SDHAF3: variants seen among roughly 807,000 people sequenced by gnomAD.
SDHAF3 encodes the protein succinate dehydrogenase complex assembly factor 3.
SDHAF3 carries 18 observed loss-of-function variants against 11.5 expected under a neutral mutation model. That is an observed-to-expected ratio of 1.56 (90% CI 1.08 to 2.32). SDHAF3 has a LOEUF of 2.32. SDHAF3 is among the 30% of genes most tolerant of loss of function. SDHAF3 has a pLI of 0.00. For missense variants in SDHAF3, 200 were observed against 154.4 expected (o/e 1.30, Z -1.57); for synonymous variants, 72 against 59.3 (o/e 1.21, Z -0.99).
intron 1 of SDHAF3, among the ~76,000 whole-genome samples, chr7:97,166,435 T>TAA (rs1554354485): frequency 1.3e-5 from 2 of 151,494 alleles, no homozygotes; most frequent in African/African-American, 4.9e-5. Flanking sequence ...TGAAAGAGTT[T>TAA]AAAGACCTGA....
chr7:97,165,633 C>T (rs916667128), intron 1 of SDHAF3, among the ~76,000 whole-genome samples: 3 of 152,170 alleles, frequency 2.0e-5, no homozygotes, highest in South Asian at 2.1e-4. Flanking sequence ...GGATAAACCT[C>T]GGTCTGAATT....
chr7:97,142,655 T>G (rs1419629632), intron 1 of SDHAF3: 2 of 152,116 alleles, frequency 1.3e-5, no homozygotes, highest in African/African-American at 4.8e-5. Flanking sequence ...CTCCTGTTTC[T>G]TTTCCGATTT....
At chr7:97,161,428 G>C (rs1037204629) in intron 1 of SDHAF3, among the ~76,000 whole-genome samples, 1 of 152,068 alleles carries the variant, frequency 6.6e-6, no homozygotes, top group Non-Finnish European at 1.5e-5. Flanking sequence ...TTCTCTGCTG[G>C]TTTCTTATTA....
chr7:97,143,279 T>TAATA (rs1389145153), intron 1 of SDHAF3, among the ~76,000 whole-genome samples: 1 of 152,184 alleles, frequency 6.6e-6, no homozygotes, highest in Non-Finnish European at 1.5e-5. Flanking sequence ...TAGGGTAAGC[T>TAATA]AATACCCTAG....
intron 1 of SDHAF3, among the ~76,000 whole-genome samples, chr7:97,166,496 G>C (rs1410879002): frequency 6.6e-6 from 1 of 152,186 alleles, no homozygotes; most frequent in Non-Finnish European, 1.5e-5. Flanking sequence ...TGGAGAGGAA[G>C]GTTCTTGTTA....
At chr7:97,174,410 A>C (rs1247377626) in intron 1 of SDHAF3, among the ~76,000 whole-genome samples, 4 of 152,232 alleles carry the variant, frequency 2.6e-5, no homozygotes, top group Non-Finnish European at 5.9e-5. Flanking sequence ...GAAACTAAGA[A>C]GCTAACATTG....
chr7:97,153,897 C>T (rs958665508), intron 1 of SDHAF3, among the ~76,000 whole-genome samples: 1 of 152,154 alleles, frequency 6.6e-6, no homozygotes. Flanking sequence ...ATAGTGATAT[C>T]TCGTGTTTTA....
At chr7:97,127,168 C>T (rs1278786204) in intron 1 of SDHAF3, among the ~76,000 whole-genome samples, 2 of 152,130 alleles carry the variant, frequency 1.3e-5, no homozygotes, top group African/African-American at 4.8e-5. Flanking sequence ...AACAGGGTAC[C>T]TTAGTTGGAA....
chr7:97,158,927 C>T (rs1426327763), intron 1 of SDHAF3, among the ~76,000 whole-genome samples: 5 of 152,130 alleles, frequency 3.3e-5, no homozygotes, highest in Admixed American at 1.3e-4. Context: ...AAAATGTATA[C>T]ACGTGTAAAC....
At chr7:97,142,094 C>G (rs564171780) in intron 1 of SDHAF3, among the ~76,000 whole-genome samples, 36 of 116,292 alleles carry the variant, frequency 3.1e-4, no homozygotes, top group Admixed American at 7.6e-4. Context: ...CGCCCTGTTG[C>G]CTGGGCTGGA....
chr7:97,144,106 C>T (rs1789099947), intron 1 of SDHAF3, among the ~76,000 whole-genome samples: 1 of 151,980 alleles, frequency 6.6e-6, no homozygotes, highest in Non-Finnish European at 1.5e-5. Context: ...AGCGTTTTTT[C>T]ATATGGTCAT....
At chr7:97,143,662 C>G (rs903007070) in intron 1 of SDHAF3, among the ~76,000 whole-genome samples, 46 of 124,594 alleles carry the variant, frequency 3.7e-4, no homozygotes, top group African/African-American at 1.4e-3. Flanking sequence ...GAGTAGTGTT[C>G]CACTGTGTGT....
intron 1 of SDHAF3, 40 bp downstream of exon 1, chr7:97,117,937 GT>G (rs1453322790): frequency 1.2e-6 from 2 of 1,600,692 alleles, no homozygotes; most frequent in Non-Finnish European, 1.7e-6. Flanking sequence ...GACCTTTGGG[GT>G]TCCTCGGTGT....
At chr7:97,150,615 G>A (rs1466658730) in intron 1 of SDHAF3, among the ~76,000 whole-genome samples, 1 of 144,264 alleles carries the variant, frequency 6.9e-6, no homozygotes, top group Non-Finnish European at 1.5e-5. Flanking sequence ...CCAGGCTGGA[G>A]TGCAGTGGCC....
chr7:97,120,338 G>A (rs75635807), intron 1 of SDHAF3, among the ~76,000 whole-genome samples: 16,301 of 152,036 alleles, frequency 0.11, 884 homozygotes, highest in Middle Eastern at 0.16. Context: ...AGTTAGACGT[G>A]GTAGGTTGGA....
intron 1 of SDHAF3, among the ~76,000 whole-genome samples, chr7:97,142,121 G>A (rs180936478): frequency 1.5e-3 from 199 of 133,074 alleles, no homozygotes; most frequent in African/African-American, 5.4e-3. Context: ...TGGTGTGATC[G>A]TGGCTCACTC....
intron 1 of SDHAF3, 101 bp downstream of exon 1, chr7:97,117,998 C>T (rs1006310675): frequency 2.1e-5 from 30 of 1,405,576 alleles, no homozygotes; most frequent in Non-Finnish European, 2.7e-5. Context: ...GAGCAGCAAC[C>T]TGTTCTGTTT....
chr7:97,163,388 C>T (rs1373322955), intron 1 of SDHAF3, among the ~76,000 whole-genome samples: 1 of 152,152 alleles, frequency 6.6e-6, no homozygotes, highest in Non-Finnish European at 1.5e-5. Context: ...GATCTGCCTG[C>T]CTTGGCCTCC....
chr7:97,130,452 G>A (rs28410683), intron 1 of SDHAF3, among the ~76,000 whole-genome samples: 1 of 152,208 alleles, frequency 6.6e-6, no homozygotes, highest in East Asian at 1.9e-4. Flanking sequence ...TGGTCCCCCA[G>A]AAGGGTCCTA....
Sources: allele counts gnomAD v4.1 joint callset (sites outside exome capture counted in the v4.1 genomes callset), GRCh38; gene constraint gnomAD v4.1.1; transcripts MANE v1.5; gene names NCBI Gene and HGNC (gene_info 2026-07-23, HGNC 2026-07-21).